The following LRRC4C variants were observed in gnomAD, a reference collection of about 807,000 sequenced individuals.
LRRC4C encodes leucine-rich repeat-containing protein 4C.
In LRRC4C, 5 loss-of-function variants were observed where a neutral mutation model predicts 33.6. The ratio of observed to expected loss-of-function variants is 0.15; its 90% confidence interval spans 0.08 to 0.31. The LOEUF (loss-of-function observed/expected upper bound fraction) is 0.31. Ranked by LOEUF, LRRC4C falls within the 10% of genes least tolerant of loss-of-function variation. LRRC4C has a pLI of 1.00. For synonymous variants in LRRC4C, 329 were observed against 302.0 expected (o/e 1.09, Z -0.93); for missense variants, 560 against 796.7 (o/e 0.70, Z 3.58).
intron 3 of LRRC4C, among the ~76,000 whole-genome samples, chr11:40,560,767 G>C (rs1161454867): frequency 6.6e-6 from 1 of 152,164 alleles, no homozygotes; most frequent in Non-Finnish European, 1.5e-5. Context: ...CTGTCAATCA[G>C]ATGCTCTGTT....
chr11:40,589,369 G>T (rs1411128458), intron 3 of LRRC4C, among the ~76,000 whole-genome samples: 1 of 152,038 alleles, frequency 6.6e-6, no homozygotes, highest in African/African-American at 2.4e-5. Flanking sequence ...GCCTATGTGT[G>T]TCTCTGCACG....
intron 1 of LRRC4C, among the ~76,000 whole-genome samples, chr11:41,095,125 A>G (rs1027748431): frequency 6.6e-6 from 1 of 152,210 alleles, no homozygotes; most frequent in Non-Finnish European, 1.5e-5. Flanking sequence ...ATAGCTGGGA[A>G]GGCCTTAGGA....
chr11:40,947,884 T>G (rs1958479895), intron 1 of LRRC4C, among the ~76,000 whole-genome samples: 1 of 152,176 alleles, frequency 6.6e-6, no homozygotes, highest in Admixed American at 6.6e-5. Context: ...GGTCTTCATT[T>G]GTTTCCCTCC....
At chr11:40,562,142 G>A (rs1957574165) in intron 3 of LRRC4C, among the ~76,000 whole-genome samples, 1 of 152,122 alleles carries the variant, frequency 6.6e-6, no homozygotes, top group Non-Finnish European at 1.5e-5. Flanking sequence ...CTTAAAATGT[G>A]TCAAACAAAC....
At position 41,397,755 on chromosome 11, in the gene LRRC4C, T is replaced by C. The variant is rs535766291; in HGVS notation, c.-496+61676A>G. Reference sequence around the variant, plus strand: ...TCTCATATTTTGTGTTTTCTAGGGCTCTTATAAAACTAAGGCTAGCTTTTA... The same window carrying C: ...TCTCATATTTTGTGTTTTCTAGGGCCCTTATAAAACTAAGGCTAGCTTTTA... On this transcript the variant is annotated intron_variant, in intron 1 of 6. Transcript: ENST00000528697. Among the ~76,000 whole-genome samples the C allele has an allele frequency of 1.1e-4, 17 of 152,072 alleles. No individual in the cohort carries two copies. The South Asian group carries it at 3.1e-3, about 28-fold the overall frequency.
intron 4 of LRRC4C, among the ~76,000 whole-genome samples, chr11:40,266,578 C>CTATTATGTATTATACTGAAG (rs1273348819): frequency 6.6e-6 from 1 of 152,036 alleles, no homozygotes; most frequent in African/African-American, 2.4e-5. Context: ...TTTGGGAAGG[C>CTATTATGTATTATACTGAAG]TATTATGTAT....
In LRRC4C at chr11:40,114,810, G is replaced by T; in HGVS notation, c.1483C>A (p.Pro495Thr). The change falls in exon 7 of 7, where the codon CCA becomes ACA. Residue 495 changes from proline to threonine, a missense_variant. Coordinates refer to ENST00000528697, the MANE Select transcript of LRRC4C (RefSeq NM_001258419.2). ...ETTNVTTSLT[P>T]QSTRSTEKTF... ...TTCTCTGTCGACCTTGTGCTCTGTGGTGTGAGAGAGGTGGTCACATTGGTG... is the reference window on the plus strand; with the variant it reads ...TTCTCTGTCGACCTTGTGCTCTGTGTTGTGAGAGAGGTGGTCACATTGGTG... The T allele has an allele frequency of 6.2e-7, 1 of 1,614,130 alleles. No homozygotes were observed.
chr11:40,964,370 T>A (rs542215686), intron 1 of LRRC4C, among the ~76,000 whole-genome samples: 35 of 151,976 alleles, frequency 2.3e-4, no homozygotes, highest in African/African-American at 6.7e-4. Flanking sequence ...AGTTTTTTTT[T>A]AATTTTATTG....
At chr11:40,956,784 G>A (rs1468528176) in intron 1 of LRRC4C, among the ~76,000 whole-genome samples, 1 of 151,502 alleles carries the variant, frequency 6.6e-6, no homozygotes, top group Non-Finnish European at 1.5e-5. Context: ...ACACTCTTTA[G>A]CCCCCCTCCC....
chr11:41,128,061 G>T (rs1413982953), intron 1 of LRRC4C, among the ~76,000 whole-genome samples: 2 of 151,976 alleles, frequency 1.3e-5, no homozygotes, highest in Non-Finnish European at 2.9e-5. Context: ...TTGGTAGATT[G>T]CACTATTCAC....
chr11:40,845,814 C>T (rs1953131862), intron 2 of LRRC4C, among the ~76,000 whole-genome samples: 2 of 152,144 alleles, frequency 1.3e-5, no homozygotes, highest in Admixed American at 6.5e-5. Flanking sequence ...AAAAGCATTC[C>T]TATTTCTCCA....
intron 1 of LRRC4C, among the ~76,000 whole-genome samples, chr11:41,055,575 G>A (rs936994609): frequency 6.6e-6 from 1 of 152,070 alleles, no homozygotes; most frequent in Non-Finnish European, 1.5e-5. Flanking sequence ...CATCTTTTCA[G>A]TTCCTAATGA....
intron 1 of LRRC4C, among the ~76,000 whole-genome samples, chr11:41,104,411 G>T (rs1030757410): frequency 3.3e-5 from 5 of 151,774 alleles, no homozygotes; most frequent in Admixed American, 6.6e-5. Flanking sequence ...TTATAATAAG[G>T]TTCAAAATTT....
intron 2 of LRRC4C, among the ~76,000 whole-genome samples, chr11:40,667,408 C>G (rs1943866981): frequency 2.0e-5 from 3 of 152,102 alleles, no homozygotes; most frequent in Admixed American, 1.3e-4. Context: ...GTTGGTGAAA[C>G]TTTGAGTTGC....
At chr11:40,958,115 A>G (rs1959043226) in intron 1 of LRRC4C, among the ~76,000 whole-genome samples, 1 of 151,612 alleles carries the variant, frequency 6.6e-6, no homozygotes, top group Non-Finnish European at 1.5e-5. Flanking sequence ...GCAGGCCCTC[A>G]CCACACACTG....
At chr11:40,624,695 G>A (rs111731073) in intron 3 of LRRC4C, among the ~76,000 whole-genome samples, 9 of 152,166 alleles carry the variant, frequency 5.9e-5, no homozygotes, top group Non-Finnish European at 1.3e-4. Context: ...AACAAGTTAT[G>A]TAAGGCTTTG....
intron 1 of LRRC4C, among the ~76,000 whole-genome samples, chr11:41,068,971 A>AT (rs1312327721): frequency 6.6e-6 from 1 of 152,204 alleles, no homozygotes; most frequent in Admixed American, 6.5e-5. Flanking sequence ...CATCAAAAAA[A>AT]GAAAACTCAG....
intron 1 of LRRC4C, among the ~76,000 whole-genome samples, chr11:40,995,674 A>G (rs2093146152): frequency 6.6e-6 from 1 of 152,116 alleles, no homozygotes; most frequent in African/African-American, 2.4e-5. Flanking sequence ...AGGGAGTATC[A>G]TATGTTGCTT....
intron 2 of LRRC4C, among the ~76,000 whole-genome samples, chr11:40,866,309 C>A (rs967632094): frequency 7.2e-5 from 11 of 151,772 alleles, no homozygotes; most frequent in African/African-American, 2.4e-4. Flanking sequence ...TTTTAACAAC[C>A]CAAAAAGGTC....
Sources: gnomAD v4.1 joint callset for allele counts (sites outside exome capture counted in the v4.1 genomes callset) on GRCh38, gnomAD v4.1.1 for gene constraint, MANE v1.5 for transcripts, NCBI Gene and HGNC (gene_info 2026-07-23, HGNC 2026-07-21) for gene names.